The following TIAM2 variants were observed in gnomAD, a reference collection of about 807,000 sequenced individuals.
TIAM2 encodes the protein rho guanine nucleotide exchange factor TIAM2.
In TIAM2, 80 loss-of-function variants were observed where a neutral mutation model predicts 152.9. The ratio of observed to expected loss-of-function variants is 0.52; its 90% CI spans 0.44 to 0.63. The LOEUF (loss-of-function observed/expected upper bound fraction) is 0.63, where lower values mean the gene tolerates loss of function less well. Ranked by LOEUF, TIAM2 falls within the 30% of genes least tolerant of loss-of-function variation. The pLI, the probability that TIAM2 is intolerant of heterozygous loss-of-function variation, is 0.00. For synonymous variants in TIAM2, 804 were observed against 838.0 expected, an observed-to-expected ratio of 0.96 and a Z score of 0.70; for missense variants, 1,965 against 2,120.1, an observed-to-expected ratio of 0.93 and a Z score of 1.44.
At chr6:155,105,413 A>G (rs969438784) in intron 2 of TIAM2, among the ~76,000 whole-genome samples, 2 of 152,118 alleles carry the variant, frequency 1.3e-5, no homozygotes, top group African/African-American at 2.4e-5. Context: ...GGCCTCCCAG[A>G]GGCTGGAATT....
chr6:155,061,960 G>T (rs1474308144), intron 1 of TIAM2, among the ~76,000 whole-genome samples: 1 of 152,076 alleles, frequency 6.6e-6, no homozygotes, highest in African/African-American at 2.4e-5. Context: ...AAATTCCTTT[G>T]TGTAGTTCCC....
chr6:155,088,213 C>T (rs1778218186), intron 1 of TIAM2, among the ~76,000 whole-genome samples: 1 of 152,068 alleles, frequency 6.6e-6, no homozygotes, highest in South Asian at 2.1e-4. Flanking sequence ...CGCCACCACG[C>T]CCGGCTAATG....
chr6:155,250,947 A>G lies in TIAM2; in HGVS notation c.3986A>G (p.His1329Arg), dbSNP rs1783619678. 6.2e-7 allele frequency: 1 copy of G among 1,614,178 alleles called. No homozygotes were observed. Among genetic ancestry groups the G allele is most frequent in the Non-Finnish European group, 8.5e-7 (1 of 1,180,044 alleles). ...CTTTCGATGGGAGAGCTTCTGATGC[A>G]CTCTACGGTTTCCTGGTTGAATCCA... The part of the protein sequence containing the change: ...TELSMGELLM[H>R]STVSWLNPFL... Residue 1329 changes from histidine to arginine, a missense_variant, in exon 22 of 27, where the codon CAC becomes CGC. This residue lies in a region of TIAM2 where 935 missense variants were observed against 980.0 expected (regional missense o/e 0.95). Transcript: ENST00000682666.
chr6:155,001,185 G>A (rs1470205302), intron 1 of TIAM2, among the ~76,000 whole-genome samples: 1 of 152,052 alleles, frequency 6.6e-6, no homozygotes, highest in Non-Finnish European at 1.5e-5. Context: ...AGAAAATGGA[G>A]GGCAGGGAGA....
Position 155,127,590 on chromosome 6 carries a change from C to A in TIAM2, c.-17C>A. 4.4e-6 allele frequency: 2 copies of A among 456,044 alleles called. No individual in the cohort carries two copies. Among genetic ancestry groups the A allele is most frequent in the Non-Finnish European group, 8.8e-6 (2 of 226,804 alleles). 28.2% of individuals were successfully genotyped at this position (456,044 alleles called of 1,614,324 possible). A position where few individuals can be genotyped will look rare whatever the true frequency, so the allele number is the denominator to read the frequency against. On this transcript the variant is annotated 5_prime_UTR_variant, in exon 3 of 27. Coordinates refer to ENST00000682666, the MANE Select transcript of TIAM2 (RefSeq NM_012454.4). ...CCACTAACCTCCCTCACAGCAGAAACTAGACGTCAGGTAAACCCAACCCTT... is the reference window on the plus strand; with the variant it reads ...CCACTAACCTCCCTCACAGCAGAAAATAGACGTCAGGTAAACCCAACCCTT...
intron 14 of TIAM2, among the ~76,000 whole-genome samples, chr6:155,207,377 C>T (rs1177389385): frequency 6.6e-6 from 1 of 152,214 alleles, no homozygotes; most frequent in African/African-American, 2.4e-5. Context: ...CAGCTGTGGA[C>T]ACTGTCCAGC....
rs1173225286 is a variant in TIAM2, at chr6:155,218,373, C to A, written c.3168+7066C>A. Reference sequence around the variant, plus strand: ...AATAATCTGTCACAAAGACCTAATTCCAGGTAGCCCTTTCTTGGAGGCAGT... The same window carrying A: ...AATAATCTGTCACAAAGACCTAATTACAGGTAGCCCTTTCTTGGAGGCAGT... On this transcript the variant is annotated intron_variant, in intron 15 of 26. Transcript: ENST00000682666. This position sits in a 1 kb window ranked among gnomAD's most constrained non-coding sequence, Gnocchi z 4.5. 6.6e-6 allele frequency among the ~76,000 whole-genome samples: 1 copy of A among 152,198 alleles called. No individual in the cohort carries two copies. Among genetic ancestry groups the A allele is most frequent in the African/African-American group, 2.4e-5 (1 of 41,436 alleles).
intron 15 of TIAM2, among the ~76,000 whole-genome samples, chr6:155,239,514 G>A (rs1240512814): frequency 2.6e-5 from 4 of 152,254 alleles, no homozygotes; most frequent in Admixed American, 6.5e-5. Flanking sequence ...CCCTGCTCCA[G>A]CAACTGTGGA....
intron 7 of TIAM2, among the ~76,000 whole-genome samples, chr6:155,157,456 T>G (rs945475072): frequency 6.6e-6 from 1 of 152,032 alleles, no homozygotes; most frequent in African/African-American, 2.4e-5. Flanking sequence ...TTCTTTCTTT[T>G]TTTTTTTTAG....
intron 7 of TIAM2, among the ~76,000 whole-genome samples, chr6:155,162,657 G>A (rs1780301696): frequency 6.6e-6 from 1 of 152,168 alleles, no homozygotes; most frequent in Non-Finnish European, 1.5e-5. Context: ...AATCCCAGAA[G>A]GTGCTCATGA....
chr6:155,251,131 C>G, intron 22 of TIAM2, 110 bp downstream of exon 22: 1 of 927,566 alleles, frequency 1.1e-6, no homozygotes, highest in Admixed American at 1.9e-5. Context: ...GTCAGAATTG[C>G]TATAATGGTT....
intron 1 of TIAM2, among the ~76,000 whole-genome samples, chr6:155,014,180 G>A (rs1269278291): frequency 6.6e-6 from 1 of 151,938 alleles, no homozygotes; most frequent in Non-Finnish European, 1.5e-5. Flanking sequence ...TTAATTAACT[G>A]TTTGTCCTTG....
At chr6:155,086,708 G>GAA (rs10667680) in intron 1 of TIAM2, among the ~76,000 whole-genome samples, 108,144 of 133,352 alleles carry the variant, frequency 0.81, 43,918 homozygotes, top group East Asian at 0.97. Flanking sequence ...CTCCATCTTG[G>GAA]AAAAAAAAAA....
intron 15 of TIAM2, among the ~76,000 whole-genome samples, chr6:155,211,978 T>C (rs1781733484): frequency 6.6e-6 from 1 of 152,240 alleles, no homozygotes; most frequent in Non-Finnish European, 1.5e-5. Context: ...ATTTGTCCTT[T>C]TGTTTCTGGC....
chr6:155,012,445 C>G (rs1328050897), intron 1 of TIAM2, among the ~76,000 whole-genome samples: 3 of 152,164 alleles, frequency 2.0e-5, no homozygotes, highest in African/African-American at 7.2e-5. Context: ...AAAAATCAAC[C>G]AACCAACTTA....
intron 2 of TIAM2, among the ~76,000 whole-genome samples, chr6:155,093,751 A>T (rs954713067): frequency 6.6e-6 from 1 of 152,178 alleles, no homozygotes; most frequent in Non-Finnish European, 1.5e-5. Context: ...AGGAAGGCAG[A>T]CTACATGGCC....
intron 9 of TIAM2, among the ~76,000 whole-genome samples, chr6:155,169,097 G>A (rs1780513265): frequency 6.6e-6 from 1 of 152,158 alleles, no homozygotes; most frequent in Admixed American, 6.5e-5. Context: ...CCGGGTTCAT[G>A]CCATTCTCCT....
intron 15 of TIAM2, among the ~76,000 whole-genome samples, chr6:155,238,391 T>C (rs1782875922): frequency 6.6e-6 from 1 of 152,196 alleles, no homozygotes; most frequent in East Asian, 1.9e-4. Flanking sequence ...TCCAAACTGT[T>C]CCAACCTCTG....
chr6:155,000,948 C>T (rs959082408), intron 1 of TIAM2, among the ~76,000 whole-genome samples: 2 of 152,176 alleles, frequency 1.3e-5, no homozygotes, highest in African/African-American at 4.8e-5. Flanking sequence ...TGCGTCACTG[C>T]ACTCCAGCCT....
Sources: gnomAD v4.1 joint callset for allele counts (sites outside exome capture counted in the v4.1 genomes callset) on GRCh38, gnomAD v4.1.1 for gene constraint, gnomAD v4.1.1 regional missense constraint, Gnocchi (gnomAD v3.1) non-coding constraint, MANE v1.5 for transcripts, NCBI Gene and HGNC (gene_info 2026-07-23, HGNC 2026-07-21) for gene names.